Variants in ARHGAP17 observed in about 807,000 individuals in gnomAD.
The protein encoded by ARHGAP17 is Rho GTPase activating protein 17, also known as rho GTPase-activating protein 17.
Under a neutral mutation model 99.5 loss-of-function variants are expected in ARHGAP17, and 57 were observed. The observed-to-expected ratio is 0.57, with a 90% confidence interval of 0.46 to 0.71. The LOEUF (loss-of-function observed/expected upper bound fraction) is 0.71, where lower values mean the gene tolerates loss of function less well. ARHGAP17 is among the 30% of genes least tolerant of loss of function. The pLI is 0.00. For missense variants in ARHGAP17, 1,000 were observed against 1,122.4 expected, an observed-to-expected ratio of 0.89 and a Z score of 1.56; for synonymous variants, 417 against 429.6, an observed-to-expected ratio of 0.97 and a Z score of 0.36.
At chr16:24,961,503 TA>T (rs1275146164) in intron 7 of ARHGAP17, among the ~76,000 whole-genome samples, 20 of 99,614 alleles carry the variant, frequency 2.0e-4, no homozygotes, top group Non-Finnish European at 2.4e-4. Context: ...AGTCTCTAAG[TA>T]AAAAAAAAAA....
chr16:24,999,553 A>G (rs1223258844), intron 1 of ARHGAP17, among the ~76,000 whole-genome samples: 3 of 151,962 alleles, frequency 2.0e-5, no homozygotes, highest in African/African-American at 4.8e-5. Flanking sequence ...AATAGCTGGG[A>G]CTACAGGGGT....
chr16:24,929,328 G>A (rs537697131), intron 19 of ARHGAP17, among the ~76,000 whole-genome samples: 1 of 152,140 alleles, frequency 6.6e-6, no homozygotes, highest in East Asian at 1.9e-4. Context: ...ACTGTGCTTG[G>A]CCCCTAAGAA....
intron 1 of ARHGAP17, among the ~76,000 whole-genome samples, chr16:25,003,230 CTTTTTTT>C (rs564573463): frequency 2.2e-5 from 2 of 90,700 alleles, no homozygotes; most frequent in Non-Finnish European, 4.6e-5. Context: ...AGCTTTAAAG[CTTTTTTT>C]TTTTTTTTTT....
At chr16:24,996,312 C>T (rs1191139771) in intron 1 of ARHGAP17, among the ~76,000 whole-genome samples, 1 of 152,106 alleles carries the variant, frequency 6.6e-6, no homozygotes, top group Non-Finnish European at 1.5e-5. Context: ...TTTACCAATG[C>T]TCATATTATA....
chr16:24,938,678 A>G (rs568946637), intron 17 of ARHGAP17, among the ~76,000 whole-genome samples: 1 of 149,692 alleles, frequency 6.7e-6, no homozygotes, highest in South Asian at 2.2e-4. Context: ...AGGCTTAGGT[A>G]GGAGGATTGC....
intron 19 of ARHGAP17, 65 bp downstream of exon 19, chr16:24,930,719 A>G: frequency 6.2e-7 from 1 of 1,613,916 alleles, no homozygotes; most frequent in South Asian, 1.1e-5. Flanking sequence ...AGCTTAAATA[A>G]AATGTAGTAG....
rs550747088 is a variant in ARHGAP17 at position 24,976,043 on chromosome 16, C to G, written c.198+1172G>C. On this transcript the variant is annotated intron_variant, in intron 3 of 19. Transcript: ENST00000289968. ...TAGGACCACAGCCCATGCTCTAGGT[C>G]TGGGCCAAACTAACTTAAACCAATC... Among the ~76,000 whole-genome samples, 30 of 152,312 alleles carry G rather than the reference C, an allele frequency of 2.0e-4. No homozygotes were observed. In the South Asian group the frequency reaches 2.9e-3, roughly 15 times the overall value.
rs867848143 is a variant in ARHGAP17 at position 24,970,192 on chromosome 16, C to T, written c.272+315G>A. Among the ~76,000 whole-genome samples the T allele has an allele frequency of 5.3e-5, 8 of 152,186 alleles. No individual in the cohort carries two copies. The South Asian group carries it at 6.2e-4, about 12-fold the overall frequency. On this transcript the variant is annotated intron_variant, in intron 4 of 19. Transcript: ENST00000289968. ...GTCAGAGTTTCTAAATCTGAGCCAA[C>T]ACCTGGAACACAGAAGGGACCACAT...
intron 19 of ARHGAP17, chr16:24,929,681 CA>C (rs888260330): frequency 1.4e-5 from 14 of 987,330 alleles, no homozygotes; most frequent in East Asian, 1.1e-4. Flanking sequence ...ACAAAACAAA[CA>C]AACCAACATG....
At chr16:24,950,633 G>C (rs1464761756) in intron 12 of ARHGAP17, among the ~76,000 whole-genome samples, 3 of 152,062 alleles carry the variant, frequency 2.0e-5, no homozygotes, top group Non-Finnish European at 4.4e-5. Flanking sequence ...TCAGGAGTTT[G>C]AGACCAGTCT....
intron 1 of ARHGAP17, among the ~76,000 whole-genome samples, chr16:25,007,285 G>A (rs921298689): frequency 2.6e-5 from 4 of 152,186 alleles, no homozygotes; most frequent in South Asian, 4.1e-4. Flanking sequence ...AACATATAGT[G>A]TGTATGTAAA....
At chr16:24,959,051 A>C (rs1254205625) in intron 9 of ARHGAP17, among the ~76,000 whole-genome samples, 4 of 152,162 alleles carry the variant, frequency 2.6e-5, no homozygotes, top group Non-Finnish European at 4.4e-5. Context: ...CTTAAAATTC[A>C]ACATAAGGGG....
At chr16:24,998,718 T>C (rs1486460943) in intron 1 of ARHGAP17, among the ~76,000 whole-genome samples, 2 of 152,188 alleles carry the variant, frequency 1.3e-5, no homozygotes, top group Non-Finnish European at 2.9e-5. Flanking sequence ...GCAGGGTCTT[T>C]CTGGGCCACG....
At chr16:24,940,835 T>G (rs2051293167) in intron 16 of ARHGAP17, among the ~76,000 whole-genome samples, 1 of 152,202 alleles carries the variant, frequency 6.6e-6, no homozygotes, top group African/African-American at 2.4e-5. Context: ...ACTTTTTCTT[T>G]CAGTTCAAAA....
intron 18 of ARHGAP17, among the ~76,000 whole-genome samples, chr16:24,932,620 A>C (rs1238257385): frequency 6.6e-6 from 1 of 152,158 alleles, no homozygotes; most frequent in Non-Finnish European, 1.5e-5. Context: ...CATTTGAGTT[A>C]ATAGATATGT....
chr16:24,961,271 G>A (rs1340831564), intron 7 of ARHGAP17, among the ~76,000 whole-genome samples: 1 of 152,156 alleles, frequency 6.6e-6, no homozygotes, highest in East Asian at 1.9e-4. Flanking sequence ...GGCAGGAGGA[G>A]GATAATGGTA....
chr16:24,982,299 G>C (rs2052696192), intron 1 of ARHGAP17, among the ~76,000 whole-genome samples: 1 of 152,008 alleles, frequency 6.6e-6, no homozygotes, highest in Non-Finnish European at 1.5e-5. Flanking sequence ...AGCTACCTGG[G>C]AGGTTGAGGC....
rs1392450503 is a variant in ARHGAP17 at position 24,959,745 on chromosome 16, T to C, written c.650A>G (p.Glu217Gly). Residue 217 changes from glutamate (E) to glycine (G), a missense_variant, in exon 9 of 20, where the codon GAA (glutamate) becomes GGA (glycine). Transcript: ENST00000289968. ...EYGKFFVTLL[E>G]AQADYHRKAL... ...TTTTCTATGGTAATCTGCTTGGGCTTCTAATAACTGAGAACAGACCCACAT... is the reference window on the plus strand; with the variant it reads ...TTTTCTATGGTAATCTGCTTGGGCTCCTAATAACTGAGAACAGACCCACAT... The C allele has an allele frequency of 6.2e-7, 1 of 1,614,074 alleles. No homozygotes were observed. Among genetic ancestry groups the C allele is most frequent in the Non-Finnish European group, 8.5e-7 (1 of 1,180,014 alleles).
chr16:24,994,994 T>C (rs2053152289), intron 1 of ARHGAP17, among the ~76,000 whole-genome samples: 1 of 152,072 alleles, frequency 6.6e-6, no homozygotes, highest in Non-Finnish European at 1.5e-5. Flanking sequence ...CTTACAATCA[T>C]GGTGGAAGGG....
Sources: allele counts gnomAD v4.1 joint callset (sites outside exome capture counted in the v4.1 genomes callset), GRCh38; gene constraint gnomAD v4.1.1; transcripts MANE v1.5; gene names NCBI Gene and HGNC (gene_info 2026-07-23, HGNC 2026-07-21).